Variants in CDKAL1 observed in about 807,000 individuals in gnomAD.
CDKAL1 encodes CDKAL1 threonylcarbamoyladenosine tRNA methylthiotransferase.
Under a neutral mutation model 68.2 loss-of-function variants are expected in CDKAL1, and 32 were observed. The ratio of observed to expected loss-of-function variants is 0.47; its 90% CI spans 0.35 to 0.63. CDKAL1 has a LOEUF of 0.63. CDKAL1 is among the 30% of genes least tolerant of loss of function. The probability of loss-of-function intolerance (pLI) is 0.00; values close to 1 mark genes in which losing one functional copy is unlikely to be tolerated. For synonymous variants in CDKAL1, 234 were observed against 244.3 expected (o/e 0.96, Z 0.39); for missense variants, 606 against 696.7 (o/e 0.87, Z 1.47).
intron 10 of CDKAL1, among the ~76,000 whole-genome samples, chr6:20,965,908 C>T (rs140888549): frequency 1.1e-4 from 16 of 152,326 alleles, no homozygotes; most frequent in African/African-American, 3.8e-4. Context: ...ATGGCTAACA[C>T]ATAAGGCAAT....
intron 13 of CDKAL1, among the ~76,000 whole-genome samples, chr6:21,111,485 C>G (rs1774118640): frequency 1.3e-5 from 2 of 152,146 alleles, no homozygotes; most frequent in African/African-American, 4.8e-5. Flanking sequence ...CTTTCCTTCC[C>G]CCAACCAAGA....
At chr6:20,688,416 G>T (rs73732739) in intron 5 of CDKAL1, among the ~76,000 whole-genome samples, 9,800 of 151,530 alleles carry the variant, frequency 0.065, 1,019 homozygotes, top group African/African-American at 0.22. Context: ...TCTGTTGAGA[G>T]GTTTCTTTCG....
At chr6:20,891,224 G>A (rs1403627189) in intron 9 of CDKAL1, among the ~76,000 whole-genome samples, 2 of 152,154 alleles carry the variant, frequency 1.3e-5, no homozygotes, top group African/African-American at 4.8e-5. Flanking sequence ...GCAGTAATGA[G>A]GTGTAATCAT....
chr6:21,166,244 C>G (rs548175264), intron 13 of CDKAL1, among the ~76,000 whole-genome samples: 2 of 152,236 alleles, frequency 1.3e-5, no homozygotes, highest in South Asian at 2.1e-4. Flanking sequence ...TAGTTTTTCA[C>G]TATTACCAGA....
chr6:21,229,483 G>A, intron 15 of CDKAL1, among the ~76,000 whole-genome samples: 1 of 152,116 alleles, frequency 6.6e-6, no homozygotes, highest in East Asian at 1.9e-4. Context: ...CCATTCCAGT[G>A]TCTCTCCTGT....
chr6:20,557,041 C>CAAAAAAAAAAA (rs199509135), intron 4 of CDKAL1, among the ~76,000 whole-genome samples: 6 of 121,076 alleles, frequency 5.0e-5, no homozygotes, highest in Non-Finnish European at 7.1e-5. Flanking sequence ...GTCTCCATCT[C>CAAAAAAAAAAA]AAAAAAAAAA....
chr6:20,552,781 T>C (rs1446436138), intron 4 of CDKAL1, among the ~76,000 whole-genome samples: 1 of 152,144 alleles, frequency 6.6e-6, no homozygotes, highest in East Asian at 1.9e-4. Context: ...CTTTCTTCAC[T>C]AGTCTAGGTG....
chr6:21,020,485 G>A (rs913939390), intron 11 of CDKAL1, among the ~76,000 whole-genome samples: 1 of 151,834 alleles, frequency 6.6e-6, no homozygotes, highest in Non-Finnish European at 1.5e-5. Flanking sequence ...TATTTATTTT[G>A]AGATAGAGTT....
chr6:20,650,541 A>G lies in CDKAL1; in HGVS notation c.371+1164A>G, dbSNP rs534099321. Among the ~76,000 whole-genome samples the G allele has an allele frequency of 2.2e-4, 33 of 152,174 alleles. No homozygotes were observed. In the South Asian group the frequency reaches 5.2e-3, roughly 24 times the overall value. ...CACTCTGATGATAGTTTCTTTTGCT[A>G]TGCAGAAGCTCTTTAATTAGATTCC... On this transcript the variant is annotated intron_variant, in intron 5 of 15. Transcript: ENST00000274695.
chr6:20,812,372 A>C (rs1262808699), intron 8 of CDKAL1, among the ~76,000 whole-genome samples: 1 of 152,182 alleles, frequency 6.6e-6, no homozygotes, highest in African/African-American at 2.4e-5. Context: ...GGCTCCTTCA[A>C]GTTGGCTCCT....
chr6:21,072,388 C>A (rs1201672348), intron 12 of CDKAL1, among the ~76,000 whole-genome samples: 1 of 151,786 alleles, frequency 6.6e-6, no homozygotes, highest in Non-Finnish European at 1.5e-5. Flanking sequence ...TTTTATTCAC[C>A]TTTTTAATTG....
At position 21,003,367 on chromosome 6, in the gene CDKAL1, T is replaced by TACACACACACACACACACAC. The variant is rs1483081425; in HGVS notation, c.1055+2996_1055+2997insCACACACACACACACACACA. The stretch of plus-strand genomic sequence containing the variant: ...AAATATATATATATATATATATATA[T>TACACACACACACACACACAC]ATATACACACACACACACACACATA... On this transcript the variant is annotated intron_variant, in intron 11 of 15. Coordinates refer to ENST00000274695, the MANE Select transcript of CDKAL1 (RefSeq NM_017774.3). Among the ~76,000 whole-genome samples, 250 of 65,498 alleles carry TACACACACACACACACACAC rather than the reference T, an allele frequency of 3.8e-3. 1 individual carries two copies. Among genetic ancestry groups the TACACACACACACACACACAC allele is most frequent in the African/African-American group, 0.019 (219 of 11,338 alleles). The allele number at this position is 65,498 out of a possible 152,430, so 43.0% of individuals were successfully genotyped here.
At chr6:21,016,129 CAT>C (rs953269552) in intron 11 of CDKAL1, among the ~76,000 whole-genome samples, 23 of 146,648 alleles carry the variant, frequency 1.6e-4, no homozygotes, top group Admixed American at 4.9e-4. Flanking sequence ...ATGTATGAGT[CAT>C]ATATATGTGT....
chr6:20,864,908 TA>T (rs1211970513), intron 9 of CDKAL1, among the ~76,000 whole-genome samples: 15 of 152,346 alleles, frequency 9.8e-5, no homozygotes, highest in Admixed American at 9.2e-4. Context: ...TTTATCTCTT[TA>T]TTTTTATTCT....
chr6:21,029,040 C>CTCTTT (rs1327622010), intron 11 of CDKAL1, among the ~76,000 whole-genome samples: 2 of 151,942 alleles, frequency 1.3e-5, no homozygotes, highest in East Asian at 1.9e-4. Context: ...TCATTAACCT[C>CTCTTT]TCTTTTCTTT....
intron 2 of CDKAL1, among the ~76,000 whole-genome samples, chr6:20,537,345 G>A (rs996919570): frequency 1.3e-5 from 2 of 152,192 alleles, no homozygotes; most frequent in African/African-American, 2.4e-5. Context: ...AGTGGCTCAC[G>A]CCTGTAATCC....
At chr6:20,748,095 G>C (rs575366007) in intron 6 of CDKAL1, among the ~76,000 whole-genome samples, 30 of 152,278 alleles carry the variant, frequency 2.0e-4, no homozygotes, top group African/African-American at 7.0e-4. Context: ...TAGAAAAACA[G>C]TTCTAAAATT....
intron 13 of CDKAL1, among the ~76,000 whole-genome samples, chr6:21,189,200 C>G (rs1778138705): frequency 6.6e-6 from 1 of 152,170 alleles, no homozygotes; most frequent in African/African-American, 2.4e-5. Flanking sequence ...TTCAGTAGAA[C>G]TGCCTCGGGC....
At chr6:20,867,709 A>C (rs577282735) in intron 9 of CDKAL1, among the ~76,000 whole-genome samples, 1 of 152,298 alleles carries the variant, frequency 6.6e-6, no homozygotes, top group South Asian at 2.1e-4. Flanking sequence ...ATGGGACTTC[A>C]TGGTCTGGTC....
Sources: gnomAD v4.1 joint callset for allele counts (sites outside exome capture counted in the v4.1 genomes callset) on GRCh38, gnomAD v4.1.1 for gene constraint, MANE v1.5 for transcripts, NCBI Gene and HGNC (gene_info 2026-07-23, HGNC 2026-07-21) for gene names.